The following GNG7 variants were observed in gnomAD, a reference collection of about 807,000 sequenced individuals.
GNG7 encodes the protein G protein subunit gamma 7.
A neutral mutation model predicts 4.0 loss-of-function variants in GNG7; 1 was observed. The observed-to-expected ratio is 0.25, with a 90% CI of 0.09 to 1.18. The LOEUF (loss-of-function observed/expected upper bound fraction) is 1.18, where lower values mean the gene tolerates loss of function less well. GNG7 is among the 50% of genes most tolerant of loss of function. The pLI is 0.50. For missense variants in GNG7, 86 were observed against 91.9 expected (o/e 0.94, Z 0.26); for synonymous variants, 34 against 36.9 (o/e 0.92, Z 0.29).
intron 1 of GNG7, among the ~76,000 whole-genome samples, chr19:2,657,399 T>TATATATATACATAC (rs1332253018): frequency 1.2e-5 from 1 of 80,740 alleles, no homozygotes; most frequent in African/African-American, 6.2e-5. Flanking sequence ...TATATATATA[T>TATATATATACATAC]ACACATAATA....
chr19:2,612,996 T>C (rs1981617587), intron 2 of GNG7, among the ~76,000 whole-genome samples: 1 of 152,076 alleles, frequency 6.6e-6, no homozygotes. Flanking sequence ...CTGGCCAACG[T>C]CGGACATTTT....
At chr19:2,601,164 T>C (rs996997786) in intron 2 of GNG7, among the ~76,000 whole-genome samples, 1 of 152,024 alleles carries the variant, frequency 6.6e-6, no homozygotes, top group Admixed American at 6.6e-5. Context: ...AAATTATTAC[T>C]TATGTAAAAA....
At chr19:2,628,388 G>T (rs1206123822) in intron 2 of GNG7, among the ~76,000 whole-genome samples, 1 of 152,088 alleles carries the variant, frequency 6.6e-6, no homozygotes, top group Non-Finnish European at 1.5e-5. Flanking sequence ...AGTGCTCTGA[G>T]CCCCTAGAGG....
intron 1 of GNG7, among the ~76,000 whole-genome samples, chr19:2,674,080 G>A (rs1287448726): frequency 2.0e-5 from 3 of 152,070 alleles, no homozygotes; most frequent in Non-Finnish European, 4.4e-5. Context: ...CCTGGCCAAC[G>A]TGGTGAAACC....
At chr19:2,672,345 G>A (rs1191675572) in intron 1 of GNG7, among the ~76,000 whole-genome samples, 1 of 151,952 alleles carries the variant, frequency 6.6e-6, no homozygotes, top group African/African-American at 2.4e-5. Flanking sequence ...TTGTAGAGAT[G>A]GGGTCTCACT....
At chr19:2,602,640 C>G (rs1015338561) in intron 2 of GNG7, among the ~76,000 whole-genome samples, 1 of 152,268 alleles carries the variant, frequency 6.6e-6, no homozygotes, top group Non-Finnish European at 1.5e-5. Context: ...ATCGTCACAG[C>G]ATGTGCTACC....
rs1015345093 is a variant in GNG7 at position 2,616,956 on chromosome 19, C to G, written c.-78+29268G>C. The stretch of plus-strand genomic sequence containing the variant: ...GTGCAGCTCCGCCTCCCTGGTCATG[C>G]AGGTGACTGTGAATGAAAGTGTCTT... On this transcript the variant is annotated intron_variant, in intron 2 of 4. Transcript: ENST00000382159. Among the ~76,000 whole-genome samples the G allele has an allele frequency of 5.3e-5, 8 of 152,166 alleles. No individual in the cohort carries two copies. In the South Asian group the frequency reaches 1.2e-3, roughly 24 times the overall value.
At chr19:2,593,583 A>C (rs1980915586) in intron 2 of GNG7, among the ~76,000 whole-genome samples, 1 of 151,912 alleles carries the variant, frequency 6.6e-6, no homozygotes, top group Non-Finnish European at 1.5e-5. Context: ...GTCTCTACTA[A>C]AAATACAAAA....
intron 2 of GNG7, among the ~76,000 whole-genome samples, chr19:2,558,760 TTTC>T (rs371364260): frequency 1.4e-3 from 219 of 152,102 alleles, no homozygotes; most frequent in African/African-American, 5.0e-3. Context: ...CTTCTCTTTC[TTTC>T]TTTTTTCTTT....
At chr19:2,660,245 ATCT>A (rs1983111404) in intron 1 of GNG7, among the ~76,000 whole-genome samples, 2 of 152,170 alleles carry the variant, frequency 1.3e-5, no homozygotes, top group Admixed American at 6.6e-5. Flanking sequence ...GAGATAACAC[ATCT>A]TCATCCCCGT....
chr19:2,573,787 G>C (rs149001328), intron 2 of GNG7, among the ~76,000 whole-genome samples: 2,038 of 152,296 alleles, frequency 0.013, 28 homozygotes, highest in Middle Eastern at 0.024. Flanking sequence ...AGGTGGCAGT[G>C]AGCCGAGATC....
chr19:2,667,247 G>A (rs541762553), intron 1 of GNG7, among the ~76,000 whole-genome samples: 34 of 151,928 alleles, frequency 2.2e-4, no homozygotes, highest in Middle Eastern at 3.2e-3. Flanking sequence ...GCTTGAACCC[G>A]GGAGGCGGAG....
Position 2,689,285 on chromosome 19 carries a change from C to G in GNG7, c.-135+13361G>C, listed in dbSNP as rs377688708. Reference sequence around the variant, plus strand: ...AAAAATAATTATATAAAATTGTTCCCAAATCATTAAGCCCTTCTCATTATG... The same window carrying G: ...AAAAATAATTATATAAAATTGTTCCGAAATCATTAAGCCCTTCTCATTATG... On this transcript the variant is annotated intron_variant, in intron 1 of 4. Transcript: ENST00000382159. 4.0e-5 allele frequency among the ~76,000 whole-genome samples: 6 copies of G among 151,216 alleles called. No individual in the cohort carries two copies. In the South Asian group the frequency reaches 1.3e-3, roughly 32 times the overall value.
At chr19:2,695,930 G>T (rs528165835) in intron 1 of GNG7, among the ~76,000 whole-genome samples, 1 of 152,114 alleles carries the variant, frequency 6.6e-6, no homozygotes, top group East Asian at 1.9e-4. Flanking sequence ...AGGCCGAGGC[G>T]GGCAGATCAC....
At chr19:2,568,672 CACATAT>C (rs1308754916) in intron 2 of GNG7, among the ~76,000 whole-genome samples, 1 of 151,458 alleles carries the variant, frequency 6.6e-6, no homozygotes, top group Non-Finnish European at 1.5e-5. Context: ...CATACACATA[CACATAT>C]ATACACATAC....
At chr19:2,525,749 T>C (rs1978371038) in intron 3 of GNG7, among the ~76,000 whole-genome samples, 1 of 151,926 alleles carries the variant, frequency 6.6e-6, no homozygotes, top group Non-Finnish European at 1.5e-5. Flanking sequence ...AATCTACATA[T>C]AGAAAGGCGT....
intron 3 of GNG7, among the ~76,000 whole-genome samples, chr19:2,554,699 C>G (rs1007374226): frequency 1.3e-4 from 19 of 151,950 alleles, no homozygotes; most frequent in Admixed American, 1.1e-3. Flanking sequence ...GGATTACAGG[C>G]ACCTGCCACC....
At chr19:2,697,032 G>C (rs1412764418) in intron 1 of GNG7, among the ~76,000 whole-genome samples, 1 of 152,052 alleles carries the variant, frequency 6.6e-6, no homozygotes, top group Admixed American at 6.6e-5. Context: ...CTAGCGACAG[G>C]GTTTCGCCAT....
chr19:2,586,936 G>T (rs1980691288), intron 2 of GNG7, among the ~76,000 whole-genome samples: 1 of 133,690 alleles, frequency 7.5e-6, no homozygotes, highest in Non-Finnish European at 1.5e-5. Context: ...AGTGAGCAGA[G>T]ATTGTGCCAC....
Sources: allele counts gnomAD v4.1 joint callset (sites outside exome capture counted in the v4.1 genomes callset), GRCh38; gene constraint gnomAD v4.1.1; transcripts MANE v1.5; gene names NCBI Gene and HGNC (gene_info 2026-07-23, HGNC 2026-07-21).